Variants in TNRC6A observed in about 807,000 individuals in gnomAD.
TNRC6A encodes the protein trinucleotide repeat containing adaptor 6A.
TNRC6A carries 44 observed loss-of-function variants against 221.2 expected under a neutral mutation model. The ratio of observed to expected loss-of-function variants is 0.20; its 90% CI spans 0.16 to 0.26. The LOEUF (loss-of-function observed/expected upper bound fraction) is 0.26. Among genes scored for constraint, TNRC6A ranks in the 10% least tolerant of loss-of-function variants. The pLI is 1.00. For missense variants in TNRC6A, 2,199 were observed against 2,404.4 expected, an observed-to-expected ratio of 0.91 and a Z score of 1.79; for synonymous variants, 847 against 838.5, an observed-to-expected ratio of 1.01 and a Z score of -0.18.
chr16:24,804,883 T>C (rs375595490), intron 13 of TNRC6A, 32 bp downstream of exon 13: 107 of 1,613,394 alleles, frequency 6.6e-5, no homozygotes, highest in Non-Finnish European at 8.8e-5. Flanking sequence ...AGGCTCTCAG[T>C]TGAATGATTT....
intron 8 of TNRC6A, among the ~76,000 whole-genome samples, chr16:24,795,389 A>G (rs930891894): frequency 6.6e-6 from 1 of 152,154 alleles, no homozygotes; most frequent in Non-Finnish European, 1.5e-5. Context: ...GGAAGCACTG[A>G]TTTAGAGCAC....
At chr16:24,714,026 T>C (rs551463451) in intron 2 of TNRC6A, among the ~76,000 whole-genome samples, 1 of 152,372 alleles carries the variant, frequency 6.6e-6, no homozygotes, top group African/African-American at 2.4e-5. Context: ...TGTGTGTGTC[T>C]GTTTGGGGCT....
At chr16:24,627,520 C>T (rs1901084566) in intron 1 of TNRC6A, among the ~76,000 whole-genome samples, 2 of 151,914 alleles carry the variant, frequency 1.3e-5, no homozygotes, top group African/African-American at 4.8e-5. Flanking sequence ...TATTTGTTTA[C>T]TCTGATCTTG....
At chr16:24,623,206 A>ATT (rs368720787) in intron 1 of TNRC6A, among the ~76,000 whole-genome samples, 3 of 145,798 alleles carry the variant, frequency 2.1e-5, no homozygotes, top group African/African-American at 2.6e-5. Context: ...TATTTTATTT[A>ATT]TTTTTTTTTT....
intron 2 of TNRC6A, among the ~76,000 whole-genome samples, chr16:24,746,192 G>A (rs1335582776): frequency 6.6e-6 from 1 of 152,088 alleles, no homozygotes; most frequent in African/African-American, 2.4e-5. Context: ...TGTACCAAAT[G>A]TTTGCTTGTT....
At chr16:24,612,152 T>C (rs1265955077) in intron 1 of TNRC6A, among the ~76,000 whole-genome samples, 1 of 152,104 alleles carries the variant, frequency 6.6e-6, no homozygotes. Flanking sequence ...CATGGCAGTA[T>C]CTGTAGCCCC....
intron 2 of TNRC6A, among the ~76,000 whole-genome samples, chr16:24,683,592 C>G (rs576377172): frequency 6.6e-6 from 1 of 152,320 alleles, no homozygotes. Flanking sequence ...CAGCCACCCT[C>G]TTCCCCATGG....
intron 2 of TNRC6A, among the ~76,000 whole-genome samples, chr16:24,699,537 G>A (rs1309067556): frequency 6.6e-6 from 1 of 152,090 alleles, no homozygotes; most frequent in African/African-American, 2.4e-5. Flanking sequence ...GGGCAACATA[G>A]CAAGATCCCA....
intron 1 of TNRC6A, among the ~76,000 whole-genome samples, chr16:24,628,043 A>G (rs775661799): frequency 6.6e-6 from 1 of 151,888 alleles, no homozygotes; most frequent in Non-Finnish European, 1.5e-5. Context: ...TAAAATTTGT[A>G]TGTATGTATA....
intron 4 of TNRC6A, among the ~76,000 whole-genome samples, chr16:24,767,088 A>G (rs11074651): frequency 0.33 from 49,655 of 152,074 alleles, 8,491 homozygotes; most frequent in East Asian, 0.47. Flanking sequence ...AAACTCATTA[A>G]CATTTCATCA....
At chr16:24,712,994 G>T (rs1328238599) in intron 2 of TNRC6A, among the ~76,000 whole-genome samples, 2 of 151,118 alleles carry the variant, frequency 1.3e-5, no homozygotes, top group African/African-American at 4.9e-5. Flanking sequence ...GCCCAGGTTG[G>T]TCTTGAACTC....
Position 24,823,847 on chromosome 16 carries a change from G to T in TNRC6A, c.*40G>T. The T allele has an allele frequency of 7.3e-7, 1 of 1,366,054 alleles. No individual in the cohort carries two copies. Among genetic ancestry groups the T allele is most frequent in the African/African-American group, 1.5e-5 (1 of 67,354 alleles). 84.6% of individuals were successfully genotyped at this position (1,366,054 alleles called of 1,614,324 possible). The stretch of plus-strand genomic sequence containing the variant: ...ACTCACCGACCGGGACCTCAGACGC[G>T]AGGGAAAGGAGCACTAAGTGGGGCT... On this transcript the variant is annotated 3_prime_UTR_variant, in exon 25 of 25. Transcript: ENST00000395799. This position sits in a 1 kb window ranked among gnomAD's most constrained non-coding sequence, Gnocchi z 4.3.
At position 24,628,691 on chromosome 16, in the gene TNRC6A, G is replaced by A. The variant is rs188392633; in HGVS notation, n.277-12193G>A. On this transcript the variant is annotated intron_variant and non_coding_transcript_variant, in intron 1 of 2. Transcript: ENST00000566108. ...ATAATACATATAATATACAAAATAC[G>A]TGTTAACCGACTGTTTATGCTATCC... Among the ~76,000 whole-genome samples the A allele has an allele frequency of 6.7e-4, 102 of 152,176 alleles. 1 individual carries two copies. Among genetic ancestry groups the A allele is most frequent in the African/African-American group, 2.2e-3 (93 of 41,544 alleles).
At chr16:24,611,967 A>G (rs955924007) in intron 1 of TNRC6A, among the ~76,000 whole-genome samples, 12 of 152,086 alleles carry the variant, frequency 7.9e-5, no homozygotes, top group Non-Finnish European at 1.2e-4. Context: ...CGTGGTGCAC[A>G]TCTGTAATCC....
chr16:24,822,584 C>A (rs909043203), intron 23 of TNRC6A, among the ~76,000 whole-genome samples: 1 of 152,120 alleles, frequency 6.6e-6, no homozygotes, highest in South Asian at 2.1e-4. Context: ...GGGAGCAGAA[C>A]CTTGATGGAT....
rs1377312177 is a variant in TNRC6A at position 24,793,276 on chromosome 16, C to T, written c.3176-197C>T. The T allele has an allele frequency of 4.1e-5, 16 of 387,794 alleles. No individual in the cohort carries two copies. The Admixed American group carries it at 7.3e-4, about 18-fold the overall frequency. 24.0% of individuals were successfully genotyped at this position (387,794 alleles called of 1,614,324 possible). ...ATGAAAAAAGTTAAAAAAATTCTCA[C>T]CTTATATTAATGGGAAATAGTTTGT... On this transcript the variant is annotated intron_variant, in intron 6 of 24. Coordinates refer to ENST00000395799, the MANE Select transcript of TNRC6A (RefSeq NM_014494.4).
At chr16:24,739,923 A>G (rs1243986634) in intron 2 of TNRC6A, among the ~76,000 whole-genome samples, 1 of 152,182 alleles carries the variant, frequency 6.6e-6, no homozygotes, top group Non-Finnish European at 1.5e-5. Context: ...ATAATTTTAT[A>G]GTTTTAGTTC....
intron 2 of TNRC6A, among the ~76,000 whole-genome samples, chr16:24,682,335 T>C (rs1313088038): frequency 6.6e-6 from 1 of 150,772 alleles, no homozygotes; most frequent in Non-Finnish European, 1.5e-5. Context: ...CAAGCGATAC[T>C]CTCACCTCGC....
intron 4 of TNRC6A, among the ~76,000 whole-genome samples, chr16:24,766,394 A>G (rs934533989): frequency 1.3e-5 from 2 of 152,312 alleles, no homozygotes; most frequent in Admixed American, 6.5e-5. Flanking sequence ...TGGTTTTGCA[A>G]TATCCTAGCA....
Sources: allele counts gnomAD v4.1 joint callset (sites outside exome capture counted in the v4.1 genomes callset), GRCh38; gene constraint gnomAD v4.1.1; non-coding constraint Gnocchi (gnomAD v3.1); transcripts MANE v1.5; gene names NCBI Gene and HGNC (gene_info 2026-07-23, HGNC 2026-07-21).